Variants in GPC5 observed in about 807,000 individuals in gnomAD.
GPC5 encodes glypican 5.
Under a neutral mutation model 53.9 loss-of-function variants are expected in GPC5, and 47 were observed. The observed-to-expected ratio is 0.87, with a 90% CI of 0.69 to 1.11. The LOEUF (loss-of-function observed/expected upper bound fraction) is 1.11, where lower values mean the gene tolerates loss of function less well. Ranked by LOEUF, GPC5 falls within the 50% of genes most tolerant of loss-of-function variation. GPC5 has a pLI of 0.00. For missense variants in GPC5, 748 were observed against 713.1 expected (o/e 1.05, Z -0.56); for synonymous variants, 286 against 263.3 (o/e 1.09, Z -0.84).
chr13:91,986,016 G>C (rs1231526788), intron 6 of GPC5, among the ~76,000 whole-genome samples: 1 of 137,870 alleles, frequency 7.3e-6, no homozygotes, highest in Non-Finnish European at 1.6e-5. Context: ...TAGTCAAAAA[G>C]TTTTAAAATA....
intron 5 of GPC5, among the ~76,000 whole-genome samples, chr13:91,863,921 A>G (rs76302877): frequency 6.6e-6 from 1 of 152,214 alleles, no homozygotes; most frequent in Non-Finnish European, 1.5e-5. Context: ...TGAGTTATAT[A>G]CACACATCCT....
At chr13:92,227,728 T>C (rs1356421569) in intron 7 of GPC5, among the ~76,000 whole-genome samples, 3 of 151,974 alleles carry the variant, frequency 2.0e-5, no homozygotes, top group East Asian at 3.9e-4. Flanking sequence ...GTAAAAAAAA[T>C]TCATGTATAA....
At chr13:92,694,597 A>G (rs561795300) in intron 7 of GPC5, among the ~76,000 whole-genome samples, 19 of 152,298 alleles carry the variant, frequency 1.2e-4, no homozygotes, top group African/African-American at 3.8e-4. Context: ...CCAATTTGCA[A>G]TGAGAATATT....
chr13:92,387,266 G>T (rs2139318838), intron 7 of GPC5, among the ~76,000 whole-genome samples: 1 of 152,176 alleles, frequency 6.6e-6, no homozygotes, highest in South Asian at 2.1e-4. Flanking sequence ...AAGTGGCTTT[G>T]TGTGACGTAA....
chr13:91,444,180 T>C (rs1181021241), intron 1 of GPC5, among the ~76,000 whole-genome samples: 3 of 152,172 alleles, frequency 2.0e-5, no homozygotes, highest in African/African-American at 7.2e-5. Context: ...CTTGTGTTCC[T>C]TCTAGTAAGG....
intron 7 of GPC5, among the ~76,000 whole-genome samples, chr13:92,534,849 A>C (rs1408884642): frequency 6.6e-6 from 1 of 152,184 alleles, no homozygotes; most frequent in Admixed American, 6.5e-5. Context: ...TAGTACAAGA[A>C]ATAATAGCTA....
At chr13:92,107,367 A>G (rs2041518391) in intron 6 of GPC5, among the ~76,000 whole-genome samples, 1 of 151,810 alleles carries the variant, frequency 6.6e-6, no homozygotes, top group African/African-American at 2.4e-5. Context: ...GCTCATGTAT[A>G]TTTTTAGGAC....
intron 2 of GPC5, among the ~76,000 whole-genome samples, chr13:91,499,932 G>A (rs891715851): frequency 2.0e-5 from 3 of 152,196 alleles, no homozygotes; most frequent in Non-Finnish European, 4.4e-5. Context: ...GAAGTGAGCT[G>A]CATGAGAGCA....
At position 91,503,817 on chromosome 13, in the gene GPC5, A is replaced by AATAATAATCATC. The variant is rs1555316221; in HGVS notation, c.325+54897_325+54898insAATAATCATCAT. Among the ~76,000 whole-genome samples, 314 of 147,418 alleles carry AATAATAATCATC rather than the reference A, an allele frequency of 2.1e-3. 3 individuals carry two copies. The highest frequency in any genetic ancestry group is 7.4e-3 in the African/African-American group (295 of 40,100). ...TAATAATAATAATAATAATAATAAT[A>AATAATAATCATC]ATCAGGCTGTTGTGGCACATTAGGG... On this transcript the variant is annotated intron_variant, in intron 2 of 7. Transcript: ENST00000377067.
chr13:91,516,631 C>T (rs549424921), intron 2 of GPC5, among the ~76,000 whole-genome samples: 236 of 152,272 alleles, frequency 1.5e-3, no homozygotes, highest in African/African-American at 4.9e-3. Flanking sequence ...GTCTGGAAGA[C>T]GGTGGCCCTC....
chr13:92,340,269 T>C (rs898728608), intron 7 of GPC5: 1 of 152,124 alleles, frequency 6.6e-6, no homozygotes, highest in Non-Finnish European at 1.5e-5. Context: ...ACAAGTCAAA[T>C]TGGGGAAAGT....
chr13:91,523,499 A>G (rs373815544), intron 2 of GPC5, among the ~76,000 whole-genome samples: 3 of 152,220 alleles, frequency 2.0e-5, no homozygotes, highest in African/African-American at 7.2e-5. Flanking sequence ...GCATGATCTC[A>G]CTTATATTTG....
chr13:91,432,636 C>T (rs2139030087), intron 1 of GPC5, among the ~76,000 whole-genome samples: 1 of 152,182 alleles, frequency 6.6e-6, no homozygotes, highest in African/African-American at 2.4e-5. Flanking sequence ...AATAAAAACT[C>T]ATAAGAGCTA....
Position 92,466,754 on chromosome 13 carries a change from G to A in GPC5, c.1561+321765G>A, listed in dbSNP as rs373549871. On this transcript the variant is annotated intron_variant, in intron 7 of 7. Transcript: ENST00000377067. ...CATGAGGTTTAAGCAGTTGTTGGTG[G>A]TAGGATGGTGGTACCTGGAAATTCT... is the stretch of plus-strand genomic sequence containing the variant. 3.3e-5 allele frequency among the ~76,000 whole-genome samples: 5 copies of A among 152,062 alleles called. No individual in the cohort carries two copies. In the East Asian group the frequency reaches 5.8e-4, roughly 18 times the overall value.
intron 2 of GPC5, among the ~76,000 whole-genome samples, chr13:91,514,897 TAAATA>T (rs1369067309): frequency 2.5e-4 from 38 of 152,182 alleles, no homozygotes; most frequent in Admixed American, 2.4e-3. Context: ...AGGTCAAAAA[TAAATA>T]AAATAAAGTC....
chr13:92,704,467 AC>A (rs1887874186), intron 7 of GPC5, among the ~76,000 whole-genome samples: 1 of 151,930 alleles, frequency 6.6e-6, no homozygotes, highest in Admixed American at 6.6e-5. Context: ...TTTTAGCCAA[AC>A]CCTTTTGAAG....
chr13:91,974,517 C>T (rs1372303820), intron 6 of GPC5, among the ~76,000 whole-genome samples: 2 of 151,834 alleles, frequency 1.3e-5, no homozygotes, highest in Non-Finnish European at 1.5e-5. Flanking sequence ...CTCCCATTCA[C>T]AATTGCTTCA....
chr13:92,184,140 G>A (rs1392504723), intron 7 of GPC5, among the ~76,000 whole-genome samples: 1 of 151,702 alleles, frequency 6.6e-6, no homozygotes, highest in African/African-American at 2.4e-5. Flanking sequence ...TTCATCTTTG[G>A]TTTGGCTTTT....
intron 7 of GPC5, among the ~76,000 whole-genome samples, chr13:92,712,377 T>C (rs923937206): frequency 6.6e-6 from 1 of 151,662 alleles, no homozygotes; most frequent in African/African-American, 2.4e-5. Context: ...AAAATAAATT[T>C]CATTTAAAAA....
Sources: allele counts gnomAD v4.1 joint callset (sites outside exome capture counted in the v4.1 genomes callset), GRCh38; gene constraint gnomAD v4.1.1; transcripts MANE v1.5; gene names NCBI Gene and HGNC (gene_info 2026-07-23, HGNC 2026-07-21).